Variants in GMDS observed in about 807,000 individuals in gnomAD.
GMDS encodes GDP-mannose 4,6-dehydratase.
In GMDS, 20 loss-of-function variants were observed where a neutral mutation model predicts 49.9. The ratio of observed to expected loss-of-function variants is 0.40; its 90% CI spans 0.28 to 0.58. The LOEUF is 0.58. Ranked by LOEUF, GMDS falls within the 20% of genes least tolerant of loss-of-function variation. The pLI, the probability that GMDS is intolerant of heterozygous loss-of-function variation, is 0.42. For missense variants in GMDS, 362 were observed against 481.4 expected (o/e 0.75, Z 2.32); for synonymous variants, 177 against 178.6 (o/e 0.99, Z 0.07).
intron 1 of GMDS, among the ~76,000 whole-genome samples, chr6:2,214,742 T>C (rs928350941): frequency 2.0e-5 from 3 of 152,212 alleles, no homozygotes; most frequent in East Asian, 3.9e-4. Context: ...CTTGAATTCA[T>C]AGCCTCAAGT....
intron 6 of GMDS, among the ~76,000 whole-genome samples, chr6:1,948,753 T>C (rs1428900619): frequency 6.6e-6 from 1 of 152,256 alleles, no homozygotes; most frequent in Admixed American, 6.5e-5. Context: ...TCATTCATCA[T>C]CGTCTTTTCT....
Position 2,052,660 on chromosome 6 carries a change from G to C in GMDS, c.345+63111C>G, listed in dbSNP as rs139725522. Among the ~76,000 whole-genome samples, 728 of 152,360 alleles carry C rather than the reference G, an allele frequency of 4.8e-3. 1 individual carries two copies. The highest frequency in any genetic ancestry group is 0.01 in the Middle Eastern group (3 of 294). On this transcript the variant is annotated intron_variant, in intron 4 of 10. Coordinates refer to ENST00000380815, the MANE Select transcript of GMDS (RefSeq NM_001500.4). ...TCAGGAAACACATGGTCTAGACCAA[G>C]AGCATAGATTATTATGGTTGCAAGA...
intron 4 of GMDS, among the ~76,000 whole-genome samples, chr6:2,071,161 C>G (rs1267456618): frequency 6.6e-6 from 1 of 152,176 alleles, no homozygotes; most frequent in Admixed American, 6.5e-5. Context: ...ACCCACATCC[C>G]AGATGTTAAC....
intron 9 of GMDS, among the ~76,000 whole-genome samples, chr6:1,652,204 T>C (rs1763672985): frequency 6.8e-6 from 1 of 147,382 alleles, no homozygotes; most frequent in Admixed American, 7.0e-5. Flanking sequence ...AAACCCTGTC[T>C]CTACTAAAAA....
intron 9 of GMDS, among the ~76,000 whole-genome samples, chr6:1,715,099 T>G (rs1227211380): frequency 6.6e-6 from 1 of 152,064 alleles, no homozygotes; most frequent in African/African-American, 2.4e-5. Flanking sequence ...AGCAGAAACA[T>G]AAGGAGACAG....
At chr6:2,232,814 G>A (rs185607115) in intron 1 of GMDS, among the ~76,000 whole-genome samples, 193 of 152,174 alleles carry the variant, frequency 1.3e-3, no homozygotes, top group Admixed American at 0.012. Context: ...CCAGATGCCC[G>A]CGACCTTCTC....
chr6:1,721,282 T>C (rs375801961), intron 9 of GMDS, among the ~76,000 whole-genome samples: 18 of 152,198 alleles, frequency 1.2e-4, no homozygotes, highest in African/African-American at 4.3e-4. Flanking sequence ...TTAACTAGCT[T>C]GTTGGACTTC....
chr6:1,670,498 A>T (rs9502997), intron 9 of GMDS, among the ~76,000 whole-genome samples: 50,762 of 151,710 alleles, frequency 0.33, 8,876 homozygotes, highest in Middle Eastern at 0.47. Context: ...ACTAATGCTG[A>T]GTTTTTCTTA....
intron 6 of GMDS, chr6:1,949,082 A>AG: frequency 1.1e-6 from 1 of 937,558 alleles, no homozygotes; most frequent in Non-Finnish European, 1.3e-6. Flanking sequence ...GAGTAAAAAA[A>AG]CTAATTCTCT....
chr6:2,238,320 C>A (rs748184024), intron 1 of GMDS, among the ~76,000 whole-genome samples: 3 of 152,016 alleles, frequency 2.0e-5, no homozygotes, highest in Admixed American at 6.6e-5. Context: ...GAGTTCAAAG[C>A]TGCAGCGAGC....
At chr6:1,904,344 C>T (rs553417253) in intron 7 of GMDS, among the ~76,000 whole-genome samples, 3 of 152,126 alleles carry the variant, frequency 2.0e-5, no homozygotes, top group South Asian at 2.1e-4. Context: ...TCAGGACTCT[C>T]ATTTGCATTC....
At chr6:1,861,615 T>TC (rs771731342) in intron 7 of GMDS, among the ~76,000 whole-genome samples, 31 of 133,652 alleles carry the variant, frequency 2.3e-4, no homozygotes, top group African/African-American at 8.9e-4. Context: ...CTGCTCTTTC[T>TC]CCCAAAAAAA....
chr6:1,899,273 T>C (rs956639661), intron 7 of GMDS, among the ~76,000 whole-genome samples: 2 of 151,812 alleles, frequency 1.3e-5, no homozygotes, highest in African/African-American at 4.8e-5. Flanking sequence ...TTAAATGTTA[T>C]CAGTGTTTGT....
At chr6:1,736,693 T>A (rs1366577167) in intron 8 of GMDS, among the ~76,000 whole-genome samples, 1 of 152,214 alleles carries the variant, frequency 6.6e-6, no homozygotes, top group Admixed American at 6.5e-5. Flanking sequence ...CAACGGTGGC[T>A]GGTCTAAACA....
chr6:2,104,751 A>C (rs1295711177), intron 4 of GMDS, among the ~76,000 whole-genome samples: 1 of 152,188 alleles, frequency 6.6e-6, no homozygotes, highest in Admixed American at 6.5e-5. Flanking sequence ...ATAAATTTTA[A>C]TTTGGCAAAT....
chr6:1,665,285 C>T (rs1764204121), intron 9 of GMDS, among the ~76,000 whole-genome samples: 1 of 152,124 alleles, frequency 6.6e-6, no homozygotes, highest in Non-Finnish European at 1.5e-5. Context: ...AAATATATAA[C>T]CATGATTGCT....
At chr6:1,869,820 C>T (rs1362007492) in intron 7 of GMDS, among the ~76,000 whole-genome samples, 2 of 152,344 alleles carry the variant, frequency 1.3e-5, no homozygotes, top group East Asian at 3.9e-4. Flanking sequence ...ACCCACTGAT[C>T]CCTGGCTCTT....
intron 3 of GMDS, among the ~76,000 whole-genome samples, chr6:2,116,711 C>A (rs1581672444): frequency 6.6e-6 from 1 of 152,320 alleles, no homozygotes; most frequent in Middle Eastern, 3.4e-3. Flanking sequence ...ATATGGTTTA[C>A]AAGCTGACTG....
intron 9 of GMDS, among the ~76,000 whole-genome samples, chr6:1,709,986 A>G (rs1436755867): frequency 6.6e-6 from 1 of 152,240 alleles, no homozygotes; most frequent in East Asian, 1.9e-4. Flanking sequence ...AGTTAATAAA[A>G]ATCACACATA....
Sources: allele counts gnomAD v4.1 joint callset (sites outside exome capture counted in the v4.1 genomes callset), GRCh38; gene constraint gnomAD v4.1.1; transcripts MANE v1.5; gene names NCBI Gene and HGNC (gene_info 2026-07-23, HGNC 2026-07-21).